MIR2052HG: variants seen among roughly 807,000 people sequenced by gnomAD.
The protein encoded by MIR2052HG is MIR2052 host gene.
chr8:74,689,367 T>C (rs2128739765), intron 2 of MIR2052HG, among the ~76,000 whole-genome samples: 1 of 152,354 alleles, frequency 6.6e-6, no homozygotes, highest in East Asian at 1.9e-4. Flanking sequence ...TTTTCTTTTC[T>C]TGCCAATTCC....
At chr8:74,687,726 G>A (rs945241652) in intron 2 of MIR2052HG, among the ~76,000 whole-genome samples, 6 of 152,048 alleles carry the variant, frequency 3.9e-5, no homozygotes, top group African/African-American at 7.2e-5. Context: ...CTTTACTTGC[G>A]CTAGATAAAG....
intron 2 of MIR2052HG, among the ~76,000 whole-genome samples, chr8:74,622,547 T>G (rs1380703783): frequency 6.6e-6 from 1 of 151,964 alleles, no homozygotes; most frequent in African/African-American, 2.4e-5. Context: ...AAGGTTGCAG[T>G]GAGACAAGAT....
chr8:74,611,730 A>G (rs913631149), intron 1 of MIR2052HG, among the ~76,000 whole-genome samples: 3 of 152,214 alleles, frequency 2.0e-5, no homozygotes, highest in African/African-American at 7.2e-5. Flanking sequence ...GTTTTCATTT[A>G]TCTGTTCCCT....
chr8:74,725,860 A>T (rs1477476335), intron 4 of MIR2052HG, among the ~76,000 whole-genome samples: 1 of 151,700 alleles, frequency 6.6e-6, no homozygotes, highest in Admixed American at 6.6e-5. Flanking sequence ...ACTCGCTGTT[A>T]TCATGGGAGA....
chr8:74,695,697 C>T (rs1234562263), intron 2 of MIR2052HG, among the ~76,000 whole-genome samples: 1 of 151,696 alleles, frequency 6.6e-6, no homozygotes, highest in Non-Finnish European at 1.5e-5. Flanking sequence ...AAAGCAATAA[C>T]AGTTAAAAAA....
Position 74,613,402 on chromosome 8 carries a change from A to G in MIR2052HG, n.216+462A>G, listed in dbSNP as rs566817005. On this transcript the variant is annotated intron_variant and non_coding_transcript_variant, in intron 2 of 6. Transcript: ENST00000523442. ...AGTCCATGTGTTTTAGGCCAGTGAC[A>G]ATGACTGTGTTTCTTTCATCTGCAT... Among the ~76,000 whole-genome samples the G allele has an allele frequency of 1.6e-4, 24 of 152,312 alleles. 1 individual carries two copies. The South Asian group carries it at 4.8e-3, about 30-fold the overall frequency.
At chr8:74,626,073 T>C (rs1374748068) in intron 2 of MIR2052HG, among the ~76,000 whole-genome samples, 1 of 152,178 alleles carries the variant, frequency 6.6e-6, no homozygotes, top group Non-Finnish European at 1.5e-5. Flanking sequence ...AACAGGACCG[T>C]CTCCAGCAGC....
At chr8:74,608,853 T>G (rs1296029378) in intron 1 of MIR2052HG, among the ~76,000 whole-genome samples, 1 of 151,812 alleles carries the variant, frequency 6.6e-6, no homozygotes, top group African/African-American at 2.4e-5. Flanking sequence ...AGAAGAAAGG[T>G]CTCAAGTCAG....
intron 2 of MIR2052HG, among the ~76,000 whole-genome samples, chr8:74,676,541 C>CA (rs1179464444): frequency 6.7e-6 from 1 of 150,016 alleles, no homozygotes; most frequent in Non-Finnish European, 1.5e-5. Flanking sequence ...CTAACCAATC[C>CA]AAAAAATACA....
At chr8:74,729,556 T>C (rs770889459) in intron 4 of MIR2052HG, among the ~76,000 whole-genome samples, 1 of 152,160 alleles carries the variant, frequency 6.6e-6, no homozygotes, top group Non-Finnish European at 1.5e-5. Context: ...GTCTAATGGG[T>C]ATTTCTTCTA....
chr8:74,653,498 A>G (rs947200755), intron 2 of MIR2052HG, among the ~76,000 whole-genome samples: 3 of 152,194 alleles, frequency 2.0e-5, no homozygotes, highest in Non-Finnish European at 4.4e-5. Flanking sequence ...TATTAGTGTC[A>G]TGCTAATCAA....
chr8:74,692,756 T>C (rs1809252012), intron 2 of MIR2052HG, among the ~76,000 whole-genome samples: 2 of 152,350 alleles, frequency 1.3e-5, no homozygotes, highest in South Asian at 4.1e-4. Context: ...AAGTTCAGGT[T>C]AACAGTTCTG....
At chr8:74,640,660 A>G (rs1049729502) in intron 2 of MIR2052HG, among the ~76,000 whole-genome samples, 6 of 152,158 alleles carry the variant, frequency 3.9e-5, no homozygotes, top group Non-Finnish European at 7.4e-5. Flanking sequence ...TAGGGAAAAT[A>G]AATGCCAGCT....
chr8:74,677,957 T>A (rs531969103), intron 2 of MIR2052HG, among the ~76,000 whole-genome samples: 56 of 152,260 alleles, frequency 3.7e-4, no homozygotes, highest in Non-Finnish European at 6.9e-4. Flanking sequence ...AAAAAGCTCA[T>A]AACTACAAAG....
chr8:74,601,996 A>G (rs1808006960), intron 1 of MIR2052HG, among the ~76,000 whole-genome samples: 1 of 152,326 alleles, frequency 6.6e-6, no homozygotes, highest in East Asian at 1.9e-4. Flanking sequence ...GAAATTGTCA[A>G]AAGTGTTCAA....
chr8:74,626,076 C>T (rs1431312429), intron 2 of MIR2052HG, among the ~76,000 whole-genome samples: 1 of 152,196 alleles, frequency 6.6e-6, no homozygotes, highest in East Asian at 1.9e-4. Flanking sequence ...AGGACCGTCT[C>T]CAGCAGCCCT....
intron 3 of MIR2052HG, among the ~76,000 whole-genome samples, chr8:74,702,976 C>T (rs192182350): frequency 8.5e-5 from 13 of 152,130 alleles, no homozygotes; most frequent in East Asian, 7.7e-4. Context: ...AGGGGTGTTA[C>T]GTTCTCTGAA....
chr8:74,604,610 T>TTTTA (rs1808083813), intron 1 of MIR2052HG, among the ~76,000 whole-genome samples: 1 of 128,094 alleles, frequency 7.8e-6, no homozygotes, highest in African/African-American at 3.0e-5. Context: ...TTTTTTTTTC[T>TTTTA]GAGACGGAGT....
chr8:74,750,252 G>A (rs1283714351), intron 4 of MIR2052HG, among the ~76,000 whole-genome samples: 1 of 152,146 alleles, frequency 6.6e-6, no homozygotes, highest in Non-Finnish European at 1.5e-5. Flanking sequence ...AAACATCTAA[G>A]TGAAAAATCA....
Sources: allele counts gnomAD v4.1 joint callset (sites outside exome capture counted in the v4.1 genomes callset), GRCh38; gene constraint gnomAD v4.1.1; transcripts MANE v1.5; gene names NCBI Gene and HGNC (gene_info 2026-07-23, HGNC 2026-07-21).